Variants in PTPRD observed in about 807,000 individuals in gnomAD.
The protein encoded by PTPRD is protein tyrosine phosphatase receptor type D.
A neutral mutation model predicts 214.5 loss-of-function variants in PTPRD; 34 were observed. The observed-to-expected ratio is 0.16, with a 90% CI of 0.12 to 0.21. The LOEUF is 0.21. PTPRD is among the 10% of genes least tolerant of loss of function. The probability of loss-of-function intolerance (pLI) is 1.00; values close to 1 mark genes in which losing one functional copy is unlikely to be tolerated. For missense variants in PTPRD, 2,545 were observed against 2,398.7 expected (o/e 1.06, Z -1.27); for synonymous variants, 1,128 against 845.7 (o/e 1.33, Z -5.79).
intron 14 of PTPRD, among the ~76,000 whole-genome samples, chr9:8,537,787 T>C (rs918360185): frequency 6.6e-6 from 1 of 151,990 alleles, no homozygotes; most frequent in Admixed American, 6.6e-5. Flanking sequence ...ACAAACTGTT[T>C]AGAAGCAATG....
At chr9:9,634,612 C>T (rs1407296732) in intron 7 of PTPRD, among the ~76,000 whole-genome samples, 1 of 152,128 alleles carries the variant, frequency 6.6e-6, no homozygotes, top group Non-Finnish European at 1.5e-5. Flanking sequence ...AATACAACCA[C>T]CAAAATATGA....
chr9:9,006,217 T>C (rs1210491878), intron 11 of PTPRD, among the ~76,000 whole-genome samples: 1 of 2,002 alleles, frequency 5.0e-4, no homozygotes, highest in African/African-American at 5.3e-4. Flanking sequence ...GTAATGTGAT[T>C]TTTCAACATT....
intron 11 of PTPRD, among the ~76,000 whole-genome samples, chr9:8,991,846 A>G (rs2099368710): frequency 6.6e-6 from 1 of 152,144 alleles, no homozygotes. Context: ...TAAATTAAAT[A>G]TGTCCCTCAA....
chr9:8,796,569 C>T (rs568712943), intron 11 of PTPRD, among the ~76,000 whole-genome samples: 1 of 152,244 alleles, frequency 6.6e-6, no homozygotes, highest in African/African-American at 2.4e-5. Context: ...TTCTTAAAAA[C>T]TCTGCAGTTA....
intron 26 of PTPRD, among the ~76,000 whole-genome samples, chr9:8,494,347 A>C (rs2097213544): frequency 6.6e-6 from 1 of 152,212 alleles, no homozygotes; most frequent in South Asian, 2.1e-4. Flanking sequence ...GAGTCACTGG[A>C]AATTTTATTC....
chr9:9,484,450 T>C (rs1197534963), intron 8 of PTPRD, among the ~76,000 whole-genome samples: 10 of 152,170 alleles, frequency 6.6e-5, no homozygotes, highest in Admixed American at 6.6e-4. Flanking sequence ...GAAAATGTAC[T>C]ACTATATCTT....
At position 8,934,506 on chromosome 9, in the gene PTPRD, A is replaced by AATTTATATATATAAAT. The variant is rs1567101538; in HGVS notation, c.-104+84190_-104+84191insATTTATATATATAAAT. 6.2e-3 allele frequency among the ~76,000 whole-genome samples: 65 copies of AATTTATATATATAAAT among 10,412 alleles called. 4 individuals are homozygous for AATTTATATATATAAAT. Among genetic ancestry groups the AATTTATATATATAAAT allele is most frequent in the African/African-American group, 0.017 (63 of 3,610 alleles). 6.8% of individuals were successfully genotyped at this position (10,412 alleles called of 152,430 possible). On this transcript the variant is annotated intron_variant, in intron 11 of 45. Transcript: ENST00000381196. ...ATATATATATATAAATATATATATA[A>AATTTATATATATAAAT]ATATATATATATAAATATATATATA...
intron 4 of PTPRD, among the ~76,000 whole-genome samples, chr9:9,970,294 C>G (rs868654327): frequency 2.3e-4 from 35 of 151,622 alleles, no homozygotes; most frequent in African/African-American, 8.5e-4. Context: ...ACTAAAAGTA[C>G]AAAACATTAG....
intron 9 of PTPRD, among the ~76,000 whole-genome samples, chr9:9,305,130 T>C (rs77791082): frequency 0.11 from 17,030 of 151,584 alleles, 1,212 homozygotes; most frequent in South Asian, 0.16. Context: ...CTCCTCTTTC[T>C]GCACATTTCA....
intron 3 of PTPRD, among the ~76,000 whole-genome samples, chr9:10,232,178 T>G (rs1016224264): frequency 6.6e-6 from 1 of 151,816 alleles, no homozygotes; most frequent in African/African-American, 2.4e-5. Context: ...CCATGCCCCT[T>G]GAACTTCCCA....
At chr9:10,538,165 G>C (rs1275364093) in intron 2 of PTPRD, among the ~76,000 whole-genome samples, 1 of 151,704 alleles carries the variant, frequency 6.6e-6, no homozygotes, top group Non-Finnish European at 1.5e-5. Flanking sequence ...AAATAAATGG[G>C]AGGATTTGTT....
chr9:8,360,891 T>C (rs1356060824), intron 39 of PTPRD, among the ~76,000 whole-genome samples: 1 of 152,194 alleles, frequency 6.6e-6, no homozygotes, highest in Non-Finnish European at 1.5e-5. Flanking sequence ...CAGTTAAACT[T>C]ACTTTTACCC....
chr9:9,670,347 G>T (rs1033953476), intron 7 of PTPRD, among the ~76,000 whole-genome samples: 1 of 152,108 alleles, frequency 6.6e-6, no homozygotes, highest in Non-Finnish European at 1.5e-5. Context: ...GCCATTAAAG[G>T]CTTTTAGTTT....
intron 9 of PTPRD, among the ~76,000 whole-genome samples, chr9:9,256,536 C>G (rs1036732418): frequency 2.0e-5 from 3 of 151,920 alleles, no homozygotes; most frequent in Non-Finnish European, 4.4e-5. Context: ...TTGCCTTTCT[C>G]AGGAGGACCC....
At chr9:10,600,192 T>C (rs2077609990) in intron 2 of PTPRD, among the ~76,000 whole-genome samples, 2 of 151,752 alleles carry the variant, frequency 1.3e-5, no homozygotes, top group Admixed American at 1.3e-4. Flanking sequence ...ATTATATAAA[T>C]CAATTTTCTT....
At chr9:10,347,241 T>C (rs1449254328) in intron 2 of PTPRD, among the ~76,000 whole-genome samples, 1 of 152,082 alleles carries the variant, frequency 6.6e-6, no homozygotes, top group Non-Finnish European at 1.5e-5. Flanking sequence ...TATGAGCATA[T>C]TTTGTTTTTC....
intron 10 of PTPRD, among the ~76,000 whole-genome samples, chr9:9,025,979 T>C (rs1396548145): frequency 6.6e-6 from 1 of 151,700 alleles, no homozygotes; most frequent in African/African-American, 2.4e-5. Context: ...GGGTAACAGG[T>C]AATAAATGAC....
intron 10 of PTPRD, among the ~76,000 whole-genome samples, chr9:9,088,443 G>C (rs2099770647): frequency 1.3e-5 from 2 of 151,364 alleles, no homozygotes; most frequent in South Asian, 4.2e-4. Flanking sequence ...AGCTGGGCAT[G>C]GTGGCAGGCA....
chr9:9,412,041 A>G (rs544637699), intron 8 of PTPRD, among the ~76,000 whole-genome samples: 2 of 152,328 alleles, frequency 1.3e-5, no homozygotes, highest in East Asian at 1.9e-4. Flanking sequence ...TCTTTCTGCT[A>G]TGCCTAGATG....
Sources: gnomAD v4.1 joint callset for allele counts (sites outside exome capture counted in the v4.1 genomes callset) on GRCh38, gnomAD v4.1.1 for gene constraint, MANE v1.5 for transcripts, NCBI Gene and HGNC (gene_info 2026-07-23, HGNC 2026-07-21) for gene names.